The following COL5A3 variants were observed in gnomAD, a reference collection of about 807,000 sequenced individuals.
The protein encoded by COL5A3 is collagen type V alpha 3 chain, also known as collagen alpha-3(V) chain.
COL5A3 carries 172 observed loss-of-function variants against 250.0 expected under a neutral mutation model. That is an observed-to-expected ratio of 0.69 (90% CI 0.61 to 0.78). COL5A3 has a LOEUF of 0.78. Among genes scored for constraint, COL5A3 ranks in the 30% least tolerant of loss-of-function variants. The pLI is 0.00. For missense variants in COL5A3, 2,340 were observed against 2,334.4 expected, an observed-to-expected ratio of 1.00 and a Z score of -0.05; for synonymous variants, 937 against 900.4, an observed-to-expected ratio of 1.04 and a Z score of -0.73.
intron 65 of COL5A3, among the ~76,000 whole-genome samples, chr19:9,962,322 G>A (rs1396641462): frequency 6.6e-6 from 1 of 151,986 alleles, no homozygotes; most frequent in East Asian, 1.9e-4. Flanking sequence ...TGGCCAGGCT[G>A]GTCTTGAACT....
chr19:9,995,694 T>G, intron 15 of COL5A3, 77 bp from the exon 16 acceptor site: 1 of 1,149,604 alleles, frequency 8.7e-7, no homozygotes. Flanking sequence ...TAAAAAAAAT[T>G]AGAGATGGGG....
intron 51 of COL5A3, 125 bp downstream of exon 51, chr19:9,972,794 C>A (rs1234129946): frequency 9.8e-6 from 6 of 609,202 alleles, no homozygotes; most frequent in African/African-American, 9.4e-5. Context: ...TGAGATCGTG[C>A]CACTGCACTC....
At chr19:9,988,848 A>AG (rs1211020799) in intron 27 of COL5A3, among the ~76,000 whole-genome samples, 2 of 130,058 alleles carry the variant, frequency 1.5e-5, no homozygotes, top group East Asian at 2.2e-4. Flanking sequence ...AAAAAAAAAA[A>AG]AAAAAAAAAA....
chr19:10,002,550 C>T (rs1290980799), intron 6 of COL5A3, among the ~76,000 whole-genome samples: 1 of 151,708 alleles, frequency 6.6e-6, no homozygotes. Flanking sequence ...CAACCCCTCC[C>T]ACTCCCATCA....
rs1464605501 is a variant in COL5A3, at chr19:9,973,901, C to A, written c.3558+18G>T. On this transcript the variant is annotated intron_variant, in intron 48 of 66. Transcript: ENST00000264828. ...TGTCCCCATCTCTGAGCCTTCCTGG[C>A]CCCCCAAGAGTTCTCACCTCTGATC... is the stretch of plus-strand genomic sequence containing the variant. 1 of 1,588,092 alleles carries A rather than the reference C, an allele frequency of 6.3e-7. No homozygotes were observed.
intron 38 of COL5A3, 23 bp from the exon 39 acceptor site, chr19:9,979,262 T>A: frequency 6.2e-7 from 1 of 1,604,720 alleles, no homozygotes; most frequent in Non-Finnish European, 8.5e-7. Flanking sequence ...AAGGCTCCTG[T>A]TGAGTGGGGG....
intron 8 of COL5A3, among the ~76,000 whole-genome samples, chr19:9,999,200 ATT>A (rs144312768): frequency 2.1e-5 from 2 of 94,652 alleles, no homozygotes; most frequent in Non-Finnish European, 2.2e-5. Context: ...TTTGCTTGGC[ATT>A]TTTTTTTTGA....
At position 10,003,747 on chromosome 19, in the gene COL5A3, T is replaced by C. The variant is rs751368325; in HGVS notation, c.700-33A>G. 4.1e-5 allele frequency: 66 copies of C among 1,612,572 alleles called. 1 individual carries two copies. In the South Asian group the frequency reaches 7.1e-4, roughly 17 times the overall value. On this transcript the variant is annotated intron_variant, in intron 5 of 66. Transcript: ENST00000264828. ...AAGGGTTCCAGTCAGGTCTAGAGCA[T>C]CCCACCAGCAGAGACCCCATCATTC...
intron 45 of COL5A3, 145 bp downstream of exon 45, chr19:9,976,413 G>C: frequency 1.7e-6 from 1 of 590,290 alleles, no homozygotes; most frequent in East Asian, 3.3e-5. Flanking sequence ...TTCTTGGATT[G>C]AGTTCACATT....
In COL5A3 at chr19:10,004,064, T is replaced by A. The variant is rs62104337; in HGVS notation, c.676A>T (p.Asn226Tyr). 302,902 of 1,612,984 alleles carry A rather than the reference T, an allele frequency of 0.19. 30,366 individuals carry two copies. The highest frequency in any genetic ancestry group is 0.21 in the Middle Eastern group (1,285 of 6,060). ...ACCACTGTGGCTGCCGGTGCCAGGT[T>A]GTCACAGTCGGGGAGGTACCGCTCA... ...ACERYLPDCD[N>Y]LAPAATVAPQ... The change falls in exon 5 of 67, where the codon AAC (asparagine) becomes TAC (tyrosine). Residue 226 changes from asparagine to tyrosine, a missense_variant. By Grantham distance (143) the Asn-to-Tyr change is moderately radical (BLOSUM62 -2). Transcript: ENST00000264828.
intron 48 of COL5A3, 47 bp downstream of exon 48, chr19:9,973,872 T>C (rs894003624): frequency 3.1e-6 from 5 of 1,605,962 alleles, no homozygotes; most frequent in East Asian, 2.2e-5. Flanking sequence ...TCTTAGGAAA[T>C]GGTTGTCCCC....
chr19:10,000,055 G>C (rs1216428123), intron 8 of COL5A3, among the ~76,000 whole-genome samples: 2 of 151,882 alleles, frequency 1.3e-5, no homozygotes, highest in African/African-American at 4.8e-5. Flanking sequence ...ACCATACCTG[G>C]CCTCAGTTAC....
In COL5A3 at chr19:10,006,231, T is replaced by A. The variant is rs766785707; in HGVS notation, c.89A>T (p.Asp30Val). 40 of 1,594,150 alleles carry A rather than the reference T, an allele frequency of 2.5e-5. No individual in the cohort carries two copies. In the African/African-American group the frequency reaches 5.1e-4, roughly 20 times the overall value. The change falls in exon 2 of 67, where the codon GAT (aspartate) becomes GTT (valine). Residue 30 changes from aspartate to valine, a missense_variant and splice_region_variant. Coordinates refer to ENST00000264828, the MANE Select transcript of COL5A3 (RefSeq NM_015719.4). ...ALQLLPGTQA[D>V]PVDVLKALGV... ...CAGGGCCTTCAGGACATCCACAGGA[T>A]CTGCAGCAGAGAGAAGCCGGGGGTG... is the stretch of plus-strand genomic sequence containing the variant.
At position 9,980,033 on chromosome 19, in the gene COL5A3, C is replaced by T; in HGVS notation, c.2619G>A (p.Leu873=). 6.3e-7 allele frequency: 1 copy of T among 1,595,242 alleles called. No individual in the cohort carries two copies. Among genetic ancestry groups the T allele is most frequent in the Non-Finnish European group, 8.5e-7 (1 of 1,175,272 alleles). ...GIPGEKGLPG[L]QGPPGFPGPK... is the part of the protein sequence containing the mutation. ...GCCCAGGGAATCCTGGAGGGCCTTG[C>T]AGACCAGGGAGGCCCTGAAATGGAA... is the stretch of plus-strand genomic sequence containing the variant. Residue 873 remains leucine, a synonymous_variant, in exon 36 of 67, where the codon CTG becomes CTA. Transcript: ENST00000264828.
intron 16 of COL5A3, among the ~76,000 whole-genome samples, chr19:9,994,042 A>G (rs2145124645): frequency 6.6e-6 from 1 of 152,066 alleles, no homozygotes; most frequent in South Asian, 2.1e-4. Flanking sequence ...TTTTTGGTAG[A>G]GATGGTGGGG....
chr19:9,985,958 C>A, intron 30 of COL5A3, 63 bp from the exon 31 acceptor site: 1 of 1,507,584 alleles, frequency 6.6e-7, no homozygotes, highest in South Asian at 1.1e-5. Context: ...GCGGAAAGGT[C>A]AGGCTGGCTG....
At chr19:9,977,146 CATGGAGA>C (rs1183223241) in intron 44 of COL5A3, 76 bp downstream of exon 44, 1 of 1,350,510 alleles carries the variant, frequency 7.4e-7, no homozygotes, top group Non-Finnish European at 1.1e-6. Flanking sequence ...TCTCCTACCC[CATGGAGA>C]ATGATCTCTA....
Position 9,966,635 on chromosome 19 carries a change from T to A in COL5A3, c.4570A>T (p.Ser1524Cys), listed in dbSNP as rs770337172. 5.9e-6 allele frequency: 9 copies of A among 1,538,332 alleles called. No individual in the cohort carries two copies. The African/African-American group carries it at 1.1e-4, about 19-fold the overall frequency. Residue 1524 changes from serine to cysteine, a missense_variant, in exon 63 of 67, where the codon AGC (serine) becomes TGC (cysteine). Around this residue, in one of 3 missense-constraint regions of COL5A3, gnomAD observed 1,179 missense variants for 1,162.6 expected, o/e 1.01. Transcript: ENST00000264828. Reference protein sequence around the residue: ...EEVLASLTSLSLELEQLRRPP... With the variant: ...EEVLASLTSLCLELEQLRRPP... ...CGCCGCAGCTGCTCCAGCTCCAAGC[T>A]CAGCGATGTGAGCGAGGCCAGCACC...
At chr19:10,008,811 G>A (rs557460339) in intron 1 of COL5A3, among the ~76,000 whole-genome samples, 12 of 152,240 alleles carry the variant, frequency 7.9e-5, no homozygotes, top group African/African-American at 1.4e-4. Context: ...TTAACACCTC[G>A]GACTTCTGAT....
Sources: allele counts gnomAD v4.1 joint callset (sites outside exome capture counted in the v4.1 genomes callset), GRCh38; gene constraint gnomAD v4.1.1; regional missense constraint gnomAD v4.1.1; transcripts MANE v1.5; gene names NCBI Gene and HGNC (gene_info 2026-07-23, HGNC 2026-07-21).